The following LY9 variants were observed in gnomAD, a reference collection of about 807,000 sequenced individuals.
LY9 encodes lymphocyte antigen 9.
A neutral mutation model predicts 64.6 loss-of-function variants in LY9; 59 were observed. That is an observed-to-expected ratio of 0.91 (90% CI 0.74 to 1.13). LY9 has a LOEUF of 1.13. LY9 is among the 50% of genes most tolerant of loss of function. The probability of loss-of-function intolerance (pLI) is 0.00; values close to 1 mark genes in which losing one functional copy is unlikely to be tolerated. For missense variants in LY9, 789 were observed against 797.2 expected, an observed-to-expected ratio of 0.99 and a Z score of 0.12; for synonymous variants, 281 against 308.5, an observed-to-expected ratio of 0.91 and a Z score of 0.93.
chr1:160,814,808 G>A, intron 4 of LY9, 47 bp downstream of exon 4: 1 of 1,505,032 alleles, frequency 6.6e-7, no homozygotes, highest in Non-Finnish European at 9.1e-7. Context: ...TTCTCTGAAA[G>A]CTTTCTCCTC....
intron 1 of LY9, among the ~76,000 whole-genome samples, chr1:160,797,575 A>T (rs1217024807): frequency 6.6e-6 from 1 of 152,206 alleles, no homozygotes; most frequent in Non-Finnish European, 1.5e-5. Context: ...AATTTCAAAC[A>T]GTTCAGAGCA....
chr1:160,801,822 A>G, intron 2 of LY9: 1 of 1,614,082 alleles, frequency 6.2e-7, no homozygotes, highest in Non-Finnish European at 8.5e-7. Context: ...CGTCCACGTC[A>G]TCGAGGGTGA....
intron 6 of LY9, among the ~76,000 whole-genome samples, chr1:160,818,608 C>T (rs1324109644): frequency 3.9e-5 from 6 of 152,086 alleles, no homozygotes; most frequent in Non-Finnish European, 7.4e-5. Context: ...ATAGAGCTGG[C>T]ATAATGGAGA....
chr1:160,820,132 T>C (rs1285237965), intron 7 of LY9, among the ~76,000 whole-genome samples: 1 of 152,202 alleles, frequency 6.6e-6, no homozygotes, highest in African/African-American at 2.4e-5. Context: ...GTCTCCATTC[T>C]GAGAACAGAG....
chr1:160,805,497 C>T (rs1465150462), intron 2 of LY9, among the ~76,000 whole-genome samples: 1 of 152,048 alleles, frequency 6.6e-6, no homozygotes, highest in East Asian at 1.9e-4. Context: ...TTTGTTGAGA[C>T]TTGTACTGTG....
chr1:160,824,509 C>A, intron 9 of LY9: 1 of 985,076 alleles, frequency 1.0e-6, no homozygotes, highest in Non-Finnish European at 1.2e-6. Context: ...TGAATGACAG[C>A]TTATACACTC....
chr1:160,803,727 GC>G (rs1177845055), intron 2 of LY9, among the ~76,000 whole-genome samples: 1 of 152,106 alleles, frequency 6.6e-6, no homozygotes, highest in African/African-American at 2.4e-5. Context: ...ATATCCTCAG[GC>G]TAAGCGTGGT....
At chr1:160,815,081 C>G (rs1259239009) in intron 4 of LY9, 1 of 291,736 alleles carries the variant, frequency 3.4e-6, no homozygotes, top group African/African-American at 2.1e-5. Flanking sequence ...TGGCTCACAC[C>G]TATAATCCCG....
intron 9 of LY9, 68 bp from the exon 10 acceptor site, chr1:160,827,680 C>T: frequency 7.8e-7 from 1 of 1,286,512 alleles, no homozygotes; most frequent in Non-Finnish European, 1.1e-6. Context: ...CCTTGCCTTC[C>T]TCTTTCATCA....
At chr1:160,809,994 C>G (rs1453876740) in intron 2 of LY9, 1 of 152,240 alleles carries the variant, frequency 6.6e-6, no homozygotes, top group African/African-American at 2.4e-5. Context: ...ATTCACCCGT[C>G]TTGGCCCCCG....
At chr1:160,824,601 C>A in intron 9 of LY9, 1 of 983,242 alleles carries the variant, frequency 1.0e-6, no homozygotes, top group Non-Finnish European at 1.2e-6. Context: ...TTCTCAAAAC[C>A]ATTGAAAATT....
At chr1:160,805,731 T>C (rs1371214320) in intron 2 of LY9, among the ~76,000 whole-genome samples, 2 of 137,280 alleles carry the variant, frequency 1.5e-5, no homozygotes, top group East Asian at 4.3e-4. Context: ...GCAGTCTCTC[T>C]CTCTCTGTCT....
chr1:160,811,733 A>G (rs1450179345), intron 2 of LY9: 1 of 152,212 alleles, frequency 6.6e-6, no homozygotes, highest in Non-Finnish European at 1.5e-5. Context: ...CTCACCAGCA[A>G]CACATTTAAT....
chr1:160,802,015 G>C, intron 2 of LY9: 1 of 1,494,242 alleles, frequency 6.7e-7, no homozygotes, highest in Middle Eastern at 2.0e-4. Context: ...ACCCTGCCAG[G>C]CCCAGTGCCA....
At chr1:160,808,245 C>G (rs1667170373) in intron 2 of LY9, among the ~76,000 whole-genome samples, 1 of 152,168 alleles carries the variant, frequency 6.6e-6, no homozygotes, top group Non-Finnish European at 1.5e-5. Context: ...CAGCCCACAC[C>G]TCTCTTGCTA....
rs1668944611 is a variant in LY9 at position 160,827,870 on chromosome 1, T to C, written c.*54T>C. 7.0e-7 allele frequency: 1 copy of C among 1,428,310 alleles called. No homozygotes were observed. Among genetic ancestry groups the C allele is most frequent in the African/African-American group, 1.4e-5 (1 of 70,726 alleles). The allele number at this position is 1,428,310 out of a possible 1,614,324, so 88.5% of individuals were successfully genotyped here. ...GGGACCGTGGGGTTGGAAAGTCAGCTGGACCTCATGGGGCCTGGGGCTCAC... is the reference window on the plus strand; with the variant it reads ...GGGACCGTGGGGTTGGAAAGTCAGCCGGACCTCATGGGGCCTGGGGCTCAC... On this transcript the variant is annotated 3_prime_UTR_variant, in exon 10 of 10. Transcript: ENST00000263285.
At chr1:160,820,013 G>A (rs1226871591) in intron 7 of LY9, among the ~76,000 whole-genome samples, 1 of 152,072 alleles carries the variant, frequency 6.6e-6, no homozygotes, top group Non-Finnish European at 1.5e-5. Flanking sequence ...ACTCCTTAGA[G>A]ATGGTCACCA....
chr1:160,816,534 ACAGGTGACTGCT>A, intron 4 of LY9, 48 bp from the exon 5 acceptor site: 1 of 1,507,312 alleles, frequency 6.6e-7, no homozygotes, highest in Non-Finnish European at 9.0e-7. Context: ...ATGAATGAAG[ACAGGTGACTGCT>A]CAGGGGGCAG....
At chr1:160,815,542 A>G (rs1253385557) in intron 4 of LY9, among the ~76,000 whole-genome samples, 2 of 152,144 alleles carry the variant, frequency 1.3e-5, no homozygotes, top group Admixed American at 6.5e-5. Context: ...ACACGCCACC[A>G]CAACCAGCTA....
Sources: allele counts gnomAD v4.1 joint callset (sites outside exome capture counted in the v4.1 genomes callset), GRCh38; gene constraint gnomAD v4.1.1; transcripts MANE v1.5; gene names NCBI Gene and HGNC (gene_info 2026-07-23, HGNC 2026-07-21).